Variants in CNTN5 observed in about 807,000 individuals in gnomAD.
CNTN5 encodes contactin-5.
Under a neutral mutation model 129.1 loss-of-function variants are expected in CNTN5, and 77 were observed. The ratio of observed to expected loss-of-function variants is 0.60; its 90% CI spans 0.50 to 0.72. The LOEUF (loss-of-function observed/expected upper bound fraction) is 0.72. CNTN5 is among the 30% of genes least tolerant of loss of function. The pLI, the probability that CNTN5 is intolerant of heterozygous loss-of-function variation, is 0.00. For synonymous variants in CNTN5, 509 were observed against 465.6 expected, an observed-to-expected ratio of 1.09 and a Z score of -1.20; for missense variants, 1,478 against 1,328.8, an observed-to-expected ratio of 1.11 and a Z score of -1.75.
intron 1 of CNTN5, among the ~76,000 whole-genome samples, chr11:99,061,056 T>C (rs935518092): frequency 2.0e-5 from 3 of 152,166 alleles, no homozygotes; most frequent in African/African-American, 7.2e-5. Flanking sequence ...TTTTTTTCTT[T>C]AAGTAGCATT....
intron 3 of CNTN5, among the ~76,000 whole-genome samples, chr11:99,599,605 A>C (rs973468826): frequency 6.6e-6 from 1 of 152,276 alleles, no homozygotes; most frequent in Admixed American, 6.5e-5. Context: ...TATGTAAAAC[A>C]TTTTATCACA....
chr11:100,017,038 T>G (rs1940862440), intron 9 of CNTN5, among the ~76,000 whole-genome samples: 1 of 151,966 alleles, frequency 6.6e-6, no homozygotes, highest in Non-Finnish European at 1.5e-5. Context: ...CAAAGCTAAA[T>G]GATAAGTACT....
intron 17 of CNTN5, among the ~76,000 whole-genome samples, chr11:100,261,471 A>G (rs903909130): frequency 6.6e-6 from 1 of 152,184 alleles, no homozygotes; most frequent in African/African-American, 2.4e-5. Flanking sequence ...TGGAACCAAA[A>G]AAGAGCCCGC....
rs978793112 is a variant in CNTN5 at position 100,037,048 on chromosome 11, G to A, written c.981-24164G>A. On this transcript the variant is annotated intron_variant, in intron 9 of 24. Coordinates refer to ENST00000524871, the MANE Select transcript of CNTN5 (RefSeq NM_014361.4). ...GAGAGGGCATCCCTGTCTTGTGCCC[G>A]TTTTCAAAGGGAATGCTTCCAGTTT... 5.9e-5 allele frequency among the ~76,000 whole-genome samples: 9 copies of A among 152,072 alleles called. No homozygotes were observed. In the South Asian group the frequency reaches 8.3e-4, roughly 14 times the overall value.
chr11:100,354,169 G>A (rs138108577), intron 24 of CNTN5, among the ~76,000 whole-genome samples: 68 of 151,554 alleles, frequency 4.5e-4, no homozygotes, highest in African/African-American at 1.5e-3. Flanking sequence ...AATGTTATGA[G>A]GATCAAATAA....
At chr11:99,224,804 C>T (rs534259294) in intron 1 of CNTN5, among the ~76,000 whole-genome samples, 132 of 151,862 alleles carry the variant, frequency 8.7e-4, no homozygotes, top group Admixed American at 1.6e-3. Context: ...TCAAGGTAAC[C>T]CACATCTGAT....
chr11:100,025,095 G>A lies in CNTN5; in HGVS notation c.980+22959G>A, dbSNP rs142161331. On this transcript the variant is annotated intron_variant, in intron 9 of 24. Coordinates refer to ENST00000524871, the MANE Select transcript of CNTN5 (RefSeq NM_014361.4). ...CTGCAACCCTTCCCATCTAAGGCCTGGAGGCCTTGGAGGAGGAAAATGGTT... is the reference window on the plus strand; with the variant it reads ...CTGCAACCCTTCCCATCTAAGGCCTAGAGGCCTTGGAGGAGGAAAATGGTT... Among the ~76,000 whole-genome samples, 112 of 152,330 alleles carry A rather than the reference G, an allele frequency of 7.4e-4. 1 individual carries two copies. The highest frequency in any genetic ancestry group is 2.4e-3 in the African/African-American group (101 of 41,592).
chr11:99,305,718 C>A (rs1042099568), intron 1 of CNTN5, among the ~76,000 whole-genome samples: 3 of 152,056 alleles, frequency 2.0e-5, no homozygotes, highest in Non-Finnish European at 4.4e-5. Flanking sequence ...TGGTGGCTCA[C>A]ACCTGTAATC....
At chr11:100,157,803 A>G (rs1039108080) in intron 13 of CNTN5, among the ~76,000 whole-genome samples, 1 of 151,828 alleles carries the variant, frequency 6.6e-6, no homozygotes, top group Non-Finnish European at 1.5e-5. Flanking sequence ...CTGCATAGTT[A>G]CAGATGCTTA....
At chr11:99,969,362 A>G (rs7948926) in intron 8 of CNTN5, among the ~76,000 whole-genome samples, 6,098 of 152,284 alleles carry the variant, frequency 0.04, 245 homozygotes, top group East Asian at 0.21. Flanking sequence ...GTAACTATGA[A>G]CACATCTTTC....
chr11:99,851,782 T>C (rs759597272), intron 6 of CNTN5, among the ~76,000 whole-genome samples: 5 of 152,238 alleles, frequency 3.3e-5, no homozygotes, highest in Non-Finnish European at 5.9e-5. Flanking sequence ...TGAGAGATTA[T>C]ATGACTTTTT....
At chr11:100,049,739 A>C (rs1259424250) in intron 9 of CNTN5, among the ~76,000 whole-genome samples, 1 of 151,772 alleles carries the variant, frequency 6.6e-6, no homozygotes, top group Non-Finnish European at 1.5e-5. Flanking sequence ...ACAAAGGGCT[A>C]ATATCCAGAA....
At chr11:99,599,255 A>C (rs1950240154) in intron 3 of CNTN5, among the ~76,000 whole-genome samples, 1 of 152,070 alleles carries the variant, frequency 6.6e-6, no homozygotes, top group Admixed American at 6.6e-5. Context: ...AAATAACTAC[A>C]ATAACCCTTT....
chr11:99,778,853 CTATT>C (rs72373818), intron 3 of CNTN5, among the ~76,000 whole-genome samples: 36,702 of 151,106 alleles, frequency 0.24, 4,980 homozygotes, highest in Non-Finnish European at 0.32. Context: ...CAATTTTTCT[CTATT>C]TGTGTTAAAT....
At chr11:99,233,803 G>A (rs1227866613) in intron 1 of CNTN5, among the ~76,000 whole-genome samples, 5 of 151,948 alleles carry the variant, frequency 3.3e-5, no homozygotes, top group Non-Finnish European at 7.4e-5. Context: ...AAAATTAGTC[G>A]GGCATGGTGG....
intron 6 of CNTN5, among the ~76,000 whole-genome samples, chr11:99,850,275 A>G (rs1006403127): frequency 1.3e-5 from 2 of 152,070 alleles, no homozygotes. Flanking sequence ...TACAGTGAGG[A>G]CCTAGAAAGC....
At chr11:99,530,324 A>G (rs1947648640) in intron 2 of CNTN5, among the ~76,000 whole-genome samples, 2 of 152,230 alleles carry the variant, frequency 1.3e-5, no homozygotes, top group African/African-American at 2.4e-5. Context: ...GTCTAATTTC[A>G]TAAGGTAAAC....
intron 1 of CNTN5, among the ~76,000 whole-genome samples, chr11:99,175,287 T>C (rs972299634): frequency 1.3e-5 from 2 of 152,138 alleles, no homozygotes; most frequent in Admixed American, 6.6e-5. Context: ...TACTCATGAA[T>C]GTTCATGGTC....
intron 13 of CNTN5, among the ~76,000 whole-genome samples, chr11:100,083,406 A>AC (rs113475995): frequency 0.79 from 120,132 of 151,278 alleles, 48,632 homozygotes; most frequent in East Asian, 1. Context: ...CTCACTTATC[A>AC]TCAGGGGATG....
Sources: gnomAD v4.1 joint callset for allele counts (sites outside exome capture counted in the v4.1 genomes callset) on GRCh38, gnomAD v4.1.1 for gene constraint, MANE v1.5 for transcripts, NCBI Gene and HGNC (gene_info 2026-07-23, HGNC 2026-07-21) for gene names.